The following WASF3 variants were observed in gnomAD, a reference collection of about 807,000 sequenced individuals.
The protein encoded by WASF3 is actin-binding protein WASF3.
WASF3 carries 11 observed loss-of-function variants against 46.6 expected under a neutral mutation model. The observed-to-expected ratio is 0.24, with a 90% CI of 0.15 to 0.39. The LOEUF is 0.39. WASF3 is among the 10% of genes least tolerant of loss of function. The pLI is 1.00. For missense variants in WASF3, 576 were observed against 669.8 expected, an observed-to-expected ratio of 0.86 and a Z score of 1.55; for synonymous variants, 242 against 259.7, an observed-to-expected ratio of 0.93 and a Z score of 0.65.
chr13:26,629,861 A>G (rs1566056505), intron 2 of WASF3, among the ~76,000 whole-genome samples: 1 of 152,070 alleles, frequency 6.6e-6, no homozygotes, highest in Non-Finnish European at 1.5e-5. Context: ...TGTGATCTCT[A>G]CCAGGTCTTG....
intron 6 of WASF3, among the ~76,000 whole-genome samples, 156 bp from the exon 7 acceptor site, chr13:26,676,393 A>G (rs185772855): frequency 5.4e-4 from 82 of 152,350 alleles, no homozygotes; most frequent in African/African-American, 1.9e-3. Context: ...AGAGGAGTGC[A>G]CTGCTTTAGA....
intron 4 of WASF3, 36 bp downstream of exon 4, chr13:26,665,198 A>C (rs938015565): frequency 6.2e-7 from 1 of 1,606,722 alleles, no homozygotes; most frequent in East Asian, 2.2e-5. Flanking sequence ...GCTAGAAGTG[A>C]TGTTGACAAG....
rs536212561 is a variant in WASF3 at position 26,680,970 on chromosome 13, T to C, written c.717-84T>C. The stretch of plus-strand genomic sequence containing the variant: ...TGATTTTTGTGTATTAGCAATGTTA[T>C]TATTCAAATACATCCATGTGCCTGT... On this transcript the variant is annotated intron_variant, in intron 7 of 9. Coordinates refer to ENST00000335327, the MANE Select transcript of WASF3 (RefSeq NM_006646.6). 23 of 1,493,072 alleles carry C rather than the reference T, an allele frequency of 1.5e-5. No homozygotes were observed. The Middle Eastern group carries it at 5.4e-4, about 35-fold the overall frequency. 92.5% of individuals were successfully genotyped at this position (1,493,072 alleles called of 1,614,324 possible).
chr13:26,593,307 C>T (rs952684969), intron 1 of WASF3, among the ~76,000 whole-genome samples: 3 of 152,142 alleles, frequency 2.0e-5, no homozygotes, highest in East Asian at 1.9e-4. Context: ...CCGGTGCCTC[C>T]TGAGTTTTTT....
intron 6 of WASF3, among the ~76,000 whole-genome samples, chr13:26,673,785 C>G (rs1301563948): frequency 6.6e-6 from 1 of 152,196 alleles, no homozygotes; most frequent in Non-Finnish European, 1.5e-5. Context: ...TATGTAGTTA[C>G]ACTGTTGGTA....
chr13:26,648,053 G>A (rs1429336116), intron 3 of WASF3, among the ~76,000 whole-genome samples: 2 of 152,028 alleles, frequency 1.3e-5, no homozygotes, highest in African/African-American at 4.8e-5. Flanking sequence ...TGGACATATA[G>A]TTATTTGTGG....
At chr13:26,583,335 T>G (rs536187118) in intron 1 of WASF3, among the ~76,000 whole-genome samples, 1 of 152,334 alleles carries the variant, frequency 6.6e-6, no homozygotes, top group South Asian at 2.1e-4. Flanking sequence ...GTTCTTATAG[T>G]CACAAATGGC....
intron 3 of WASF3, among the ~76,000 whole-genome samples, chr13:26,658,852 A>G (rs1203313660): frequency 2.6e-5 from 4 of 152,200 alleles, no homozygotes; most frequent in East Asian, 1.9e-4. Flanking sequence ...AGCCCAGTCT[A>G]CATCCTGAGT....
chr13:26,611,984 A>G (rs907492147), intron 1 of WASF3, among the ~76,000 whole-genome samples: 1 of 152,106 alleles, frequency 6.6e-6, no homozygotes, highest in Non-Finnish European at 1.5e-5. Flanking sequence ...GAAATGGCAC[A>G]GTTATCTGTT....
intron 5 of WASF3, among the ~76,000 whole-genome samples, chr13:26,670,440 C>A (rs1882897525): frequency 6.6e-6 from 1 of 152,020 alleles, no homozygotes; most frequent in Admixed American, 6.6e-5. Context: ...GGCACATATA[C>A]CTGTGTAACA....
chr13:26,574,333 T>C (rs545114190), intron 1 of WASF3, among the ~76,000 whole-genome samples: 1 of 152,322 alleles, frequency 6.6e-6, no homozygotes, highest in South Asian at 2.1e-4. Context: ...ATGGTGTGTT[T>C]CTATTTATTT....
At chr13:26,569,645 A>C (rs189164864) in intron 1 of WASF3, among the ~76,000 whole-genome samples, 119 of 152,298 alleles carry the variant, frequency 7.8e-4, no homozygotes, top group African/African-American at 2.4e-3. Context: ...TGTGAACATC[A>C]ATTTTAAGAA....
chr13:26,648,271 A>C (rs1882210174), intron 3 of WASF3, among the ~76,000 whole-genome samples: 1 of 152,104 alleles, frequency 6.6e-6, no homozygotes, highest in Non-Finnish European at 1.5e-5. Context: ...AATCTATTTA[A>C]TTTTCATGTG....
At chr13:26,604,142 A>AT (rs569536981) in intron 1 of WASF3, among the ~76,000 whole-genome samples, 2,112 of 152,140 alleles carry the variant, frequency 0.014, 55 homozygotes, top group African/African-American at 0.047. Flanking sequence ...TTACTGTGTG[A>AT]TTTTTTTTGG....
intron 3 of WASF3, among the ~76,000 whole-genome samples, chr13:26,651,989 A>G (rs1305796900): frequency 6.6e-6 from 1 of 152,216 alleles, no homozygotes; most frequent in South Asian, 2.1e-4. Context: ...CCCAGAAGGC[A>G]AGAAAGGAAG....
chr13:26,574,410 A>G (rs1317912195), intron 1 of WASF3, among the ~76,000 whole-genome samples: 1 of 152,136 alleles, frequency 6.6e-6, no homozygotes, highest in Non-Finnish European at 1.5e-5. Flanking sequence ...GCATTGTGAA[A>G]TTAACTTTTA....
chr13:26,663,475 AT>A (rs1360358960), intron 3 of WASF3, among the ~76,000 whole-genome samples: 1 of 152,222 alleles, frequency 6.6e-6, no homozygotes, highest in East Asian at 1.9e-4. Flanking sequence ...TGTTGACAGA[AT>A]TTTAAGTGAA....
chr13:26,651,139 T>C (rs1045076908), intron 3 of WASF3, among the ~76,000 whole-genome samples: 1 of 152,194 alleles, frequency 6.6e-6, no homozygotes, highest in South Asian at 2.1e-4. Flanking sequence ...CTCGCCAACA[T>C]GATGAAACCC....
At chr13:26,569,362 T>C (rs1425261713) in intron 1 of WASF3, among the ~76,000 whole-genome samples, 1 of 152,244 alleles carries the variant, frequency 6.6e-6, no homozygotes, top group Non-Finnish European at 1.5e-5. Context: ...AGTTTGAGTA[T>C]ATTTTAGAAG....
Sources: allele counts gnomAD v4.1 joint callset (sites outside exome capture counted in the v4.1 genomes callset), GRCh38; gene constraint gnomAD v4.1.1; transcripts MANE v1.5; gene names NCBI Gene and HGNC (gene_info 2026-07-23, HGNC 2026-07-21).